Variants in PHF8 observed in about 807,000 individuals in gnomAD.
The protein encoded by PHF8 is histone lysine demethylase PHF8.
A neutral mutation model predicts 74.4 loss-of-function variants in PHF8; 9 were observed. The observed-to-expected ratio is 0.12, with a 90% CI of 0.07 to 0.21. The LOEUF is 0.21. Ranked by LOEUF, PHF8 falls within the 10% of genes least tolerant of loss-of-function variation. PHF8 has a pLI of 1.00. For synonymous variants in PHF8, 311 were observed against 316.6 expected (o/e 0.98, Z 0.19); for missense variants, 478 against 816.6 (o/e 0.59, Z 5.05).
intron 8 of PHF8, among the ~76,000 whole-genome samples, chrX:54,009,844 G>GAAAAAAA (rs782363250): frequency 1.2e-3 from 11 of 9,390 alleles, no homozygotes; most frequent in African/African-American, 1.6e-3. Flanking sequence ...CTCTGTCTCA[G>GAAAAAAA]AAAAAAAAAA....
At chrX:53,997,366 G>A (rs781790289) in intron 11 of PHF8, among the ~76,000 whole-genome samples, 1 of 111,507 alleles carries the variant, frequency 9.0e-6, no homozygotes, top group Non-Finnish European at 1.9e-5. Context: ...TGTATCCAGA[G>A]GGCTGATAAA....
intron 8 of PHF8, among the ~76,000 whole-genome samples, chrX:54,006,995 T>C (rs781933905): frequency 5.2e-4 from 56 of 108,076 alleles, no homozygotes; most frequent in Non-Finnish European, 8.8e-4. Context: ...AAAGAAAAAG[T>C]TGGAGCACTG....
chrX:53,950,830 T>C (rs2064911721), intron 19 of PHF8, among the ~76,000 whole-genome samples: 1 of 112,073 alleles, frequency 8.9e-6, no homozygotes, highest in Non-Finnish European at 1.9e-5. Flanking sequence ...ATTTTCAGAG[T>C]TGCCACGGCA....
chrX:53,981,861 A>T (rs1222371218), intron 18 of PHF8, among the ~76,000 whole-genome samples: 5 of 112,056 alleles, frequency 4.5e-5, no homozygotes, highest in Non-Finnish European at 9.4e-5. Context: ...GGAATGCGCA[A>T]ATCCCAGTAT....
intron 7 of PHF8, among the ~76,000 whole-genome samples, chrX:54,012,052 A>G (rs2065991679): frequency 9.0e-6 from 1 of 111,100 alleles, no homozygotes; most frequent in African/African-American, 3.3e-5. Context: ...ATCAATGTTA[A>G]CTTCCTGATT....
intron 20 of PHF8, among the ~76,000 whole-genome samples, chrX:53,941,069 C>A (rs781805831): frequency 8.9e-6 from 1 of 111,810 alleles, no homozygotes; most frequent in East Asian, 2.8e-4. Context: ...AAAATCTGAG[C>A]GTAGAAAGAT....
intron 8 of PHF8, among the ~76,000 whole-genome samples, chrX:54,005,622 TAA>T (rs782521734): frequency 5.9e-5 from 4 of 67,349 alleles, no homozygotes; most frequent in East Asian, 4.5e-4. Flanking sequence ...GCAGAAAACT[TAA>T]AAAAAAAAAA....
At chrX:53,996,533 A>G (rs1452275875) in intron 11 of PHF8, among the ~76,000 whole-genome samples, 1 of 109,306 alleles carries the variant, frequency 9.1e-6, no homozygotes, top group Non-Finnish European at 1.9e-5. Flanking sequence ...AACCCTTGCT[A>G]TATTTTATTT....
At chrX:53,974,642 G>C (rs1465243398) in intron 18 of PHF8, among the ~76,000 whole-genome samples, 1 of 111,672 alleles carries the variant, frequency 9.0e-6, no homozygotes, top group Non-Finnish European at 1.9e-5. Context: ...CCAATAGCAA[G>C]GACATGGAAT....
intron 18 of PHF8, among the ~76,000 whole-genome samples, chrX:53,971,272 A>T (rs2065286378): frequency 8.9e-6 from 1 of 111,875 alleles, no homozygotes; most frequent in Non-Finnish European, 1.9e-5. Flanking sequence ...GAAATCAAGA[A>T]GTTCTTTGAA....
intron 20 of PHF8, chrX:53,942,863 A>G (rs2064773284): frequency 1.3e-6 from 1 of 749,701 alleles, no homozygotes; most frequent in Admixed American, 8.9e-5. Flanking sequence ...ATTGCAGTGC[A>G]CTATGGCTGT....
intron 14 of PHF8, among the ~76,000 whole-genome samples, chrX:53,989,346 T>C (rs1267928757): frequency 9.0e-6 from 1 of 111,164 alleles, no homozygotes; most frequent in Non-Finnish European, 1.9e-5. Context: ...AAAAAAAAAA[T>C]AACAAATGTT....
At position 53,985,828 on chromosome X, in the gene PHF8, T is replaced by C. The variant is rs782680617; in HGVS notation, c.2117A>G (p.Tyr706Cys). Residue 706 changes from tyrosine to cysteine, a missense_variant, in exon 17 of 22, where the codon TAT becomes TGT. Tyr to Cys is a radical substitution (Grantham distance 194). Around this residue, in one of 9 missense-constraint regions of PHF8, gnomAD observed 45 missense variants for 94.4 expected, o/e 0.48. Transcript: ENST00000338154. ...KASRQVGGPDYAALTEAPASP... is the reference protein window; with the variant it reads ...KASRQVGGPDCAALTEAPASP... ...AGCCAGTACTCACGTGAGGGCAGCATAGTCAGGTCCCCCCACCTGCCTGCT... is the reference window on the plus strand; with the variant it reads ...AGCCAGTACTCACGTGAGGGCAGCACAGTCAGGTCCCCCCACCTGCCTGCT... 13 of 1,209,694 alleles carry C rather than the reference T, an allele frequency of 1.1e-5. No homozygotes were observed. In the African/African-American group the frequency reaches 1.4e-4, roughly 13 times the overall value.
chrX:53,952,506 A>AAGATG (rs201463875), intron 19 of PHF8, among the ~76,000 whole-genome samples: 2,520 of 112,092 alleles, frequency 0.022, 84 homozygotes, highest in African/African-American at 0.079. Flanking sequence ...ACAATGTATA[A>AAGATG]AGATGTAATT....
intron 4 of PHF8, among the ~76,000 whole-genome samples, chrX:54,021,210 G>T (rs1208829901): frequency 9.0e-6 from 1 of 111,200 alleles, no homozygotes; most frequent in Non-Finnish European, 1.9e-5. Flanking sequence ...TACTGCTTTT[G>T]TTCTCACTTT....
chrX:53,938,993 TAGA>T lies in PHF8; in HGVS notation c.*162_*164del, dbSNP rs2064708721. ...CTCTAGTGAAAGTGGGGAAGGGAAC[TAGA>T]AGGAGTCGGTGGAGGGGTCCGTGCC... On this transcript the variant is annotated 3_prime_UTR_variant, in exon 22 of 22. Coordinates refer to ENST00000338154, the MANE Select transcript of PHF8 (RefSeq NM_015107.3). The T allele has an allele frequency of 2.9e-6, 3 of 1,035,062 alleles. No homozygotes were observed. The highest frequency in any genetic ancestry group is 3.4e-5 in the South Asian group (1 of 29,428). The allele number at this position is 1,035,062 out of a possible 1,213,427, so 85.3% of individuals were successfully genotyped here.
At chrX:53,945,116 C>T (rs1051861784) in intron 19 of PHF8, among the ~76,000 whole-genome samples, 2 of 110,172 alleles carry the variant, frequency 1.8e-5, no homozygotes, top group African/African-American at 6.6e-5. Flanking sequence ...GAGGCCGAGG[C>T]GGGTGGATCA....
intron 18 of PHF8, among the ~76,000 whole-genome samples, chrX:53,973,142 G>C (rs1315724254): frequency 8.9e-6 from 1 of 111,871 alleles, no homozygotes; most frequent in East Asian, 2.8e-4. Flanking sequence ...TCAAGGAAAT[G>C]AGAGAGGACA....
chrX:54,023,875 G>C (rs1452610295), intron 2 of PHF8, among the ~76,000 whole-genome samples: 1 of 102,547 alleles, frequency 9.8e-6, no homozygotes, highest in Non-Finnish European at 2.0e-5. Context: ...GAAGACCCAA[G>C]TCTTAAAATG....
Sources: gnomAD v4.1 joint callset for allele counts (sites outside exome capture counted in the v4.1 genomes callset) on GRCh38, gnomAD v4.1.1 for gene constraint, gnomAD v4.1.1 regional missense constraint, MANE v1.5 for transcripts, NCBI Gene and HGNC (gene_info 2026-07-23, HGNC 2026-07-21) for gene names.